DNAH12: variants seen among roughly 807,000 people sequenced by gnomAD.
DNAH12 encodes the protein axonemal beta dynein heavy chain 12.
DNAH12 carries 285 observed loss-of-function variants against 371.5 expected under a neutral mutation model. That is an observed-to-expected ratio of 0.77 (90% CI 0.70 to 0.85). The LOEUF is 0.85. DNAH12 is among the 40% of genes least tolerant of loss of function. DNAH12 has a pLI of 0.00. For synonymous variants in DNAH12, 1,200 were observed against 1,213.0 expected, an observed-to-expected ratio of 0.99 and a Z score of 0.22; for missense variants, 3,611 against 3,689.4, an observed-to-expected ratio of 0.98 and a Z score of 0.55.
At chr3:57,294,999 T>C (rs2107637875) in intron 73 of DNAH12, among the ~76,000 whole-genome samples, 1 of 152,210 alleles carries the variant, frequency 6.6e-6, no homozygotes, top group South Asian at 2.1e-4. Context: ...TTTTCCAGAC[T>C]TGTAGAAAGA....
chr3:57,342,066 C>T (rs541029596), intron 60 of DNAH12, among the ~76,000 whole-genome samples: 1 of 152,202 alleles, frequency 6.6e-6, no homozygotes, highest in East Asian at 1.9e-4. Flanking sequence ...TATCCATATG[C>T]AGAAGAGCAA....
intron 55 of DNAH12, among the ~76,000 whole-genome samples, chr3:57,369,263 TTATA>T (rs1469076690): frequency 6.9e-6 from 1 of 144,516 alleles, no homozygotes; most frequent in African/African-American, 2.5e-5. Flanking sequence ...CTGTATTTAA[TTATA>T]TATATAATTT....
chr3:57,472,777 G>T, intron 13 of DNAH12, 106 bp from the exon 14 acceptor site: 1 of 1,203,148 alleles, frequency 8.3e-7, no homozygotes, highest in Non-Finnish European at 1.2e-6. Flanking sequence ...ATTTCAGTTT[G>T]ACTCAGATTA....
At chr3:57,417,093 A>G (rs1217300547) in intron 37 of DNAH12, among the ~76,000 whole-genome samples, 1 of 152,078 alleles carries the variant, frequency 6.6e-6, no homozygotes, top group Non-Finnish European at 1.5e-5. Context: ...TCTATTAAAA[A>G]TACAAAATTA....
chr3:57,448,516 T>C (rs371443667), intron 25 of DNAH12, among the ~76,000 whole-genome samples: 5 of 142,734 alleles, frequency 3.5e-5, no homozygotes, highest in African/African-American at 1.2e-4. Context: ...GTCTTCGCAG[T>C]GAGTGTGACA....
At chr3:57,412,881 T>A (rs1241734889) in intron 39 of DNAH12, among the ~76,000 whole-genome samples, 1 of 152,178 alleles carries the variant, frequency 6.6e-6, no homozygotes, top group African/African-American at 2.4e-5. Context: ...AGTTTGGTGG[T>A]TTCTTACAAA....
intron 69 of DNAH12, among the ~76,000 whole-genome samples, chr3:57,305,536 G>T (rs2061452111): frequency 6.6e-6 from 1 of 152,112 alleles, no homozygotes; most frequent in African/African-American, 2.4e-5. Context: ...ACATAGTCAA[G>T]GTTAATGCTC....
intron 2 of DNAH12, 87 bp from the exon 3 acceptor site, chr3:57,523,971 T>C (rs956508920): frequency 1.3e-5 from 11 of 865,664 alleles, no homozygotes; most frequent in Admixed American, 3.2e-5. Flanking sequence ...TTTCCAACTA[T>C]ACTAAGAGAT....
At chr3:57,361,400 C>CTATA (rs1305154719) in intron 58 of DNAH12, among the ~76,000 whole-genome samples, 1 of 143,010 alleles carries the variant, frequency 7.0e-6, no homozygotes, top group East Asian at 2.0e-4. Context: ...TACATACGCA[C>CTATA]TATATATATA....
chr3:57,458,064 T>A, intron 21 of DNAH12, 35 bp downstream of exon 21: 2 of 1,535,662 alleles, frequency 1.3e-6, no homozygotes, highest in South Asian at 2.5e-5. Context: ...TAAGAAAATG[T>A]TTTTAATTAC....
At chr3:57,511,138 C>T (rs893192448) in intron 4 of DNAH12, among the ~76,000 whole-genome samples, 159 bp from the exon 5 acceptor site, 4 of 152,152 alleles carry the variant, frequency 2.6e-5, no homozygotes, top group African/African-American at 9.7e-5. Context: ...GTACATCCCA[C>T]AAAGAAACCA....
Position 57,454,731 on chromosome 3 carries a change from A to C in DNAH12, c.3456+44T>G, listed in dbSNP as rs2065855126. On this transcript the variant is annotated intron_variant, in intron 23 of 73. Transcript: ENST00000495027. ...AAAATAATAAAATTAAATTTTAAAA[A>C]ACCTGGAATGAAGGATGTTACTTAA... 1.9e-6 allele frequency: 3 copies of C among 1,540,812 alleles called. No homozygotes were observed. In the South Asian group the frequency reaches 3.7e-5, roughly 19 times the overall value.
chr3:57,370,682 G>A (rs1460756697), intron 55 of DNAH12, among the ~76,000 whole-genome samples: 1 of 152,136 alleles, frequency 6.6e-6, no homozygotes, highest in African/African-American at 2.4e-5. Context: ...GGTTAATTGA[G>A]GCTTGCATTT....
chr3:57,499,647 A>AAAAATATATATATATATATAT (rs1451248906), intron 11 of DNAH12, among the ~76,000 whole-genome samples: 2 of 17,946 alleles, frequency 1.1e-4, no homozygotes, highest in African/African-American at 2.1e-4. Context: ...AAAAAAAAAA[A>AAAAATATATATATATATATAT]ATATATATAT....
chr3:57,469,802 TG>T (rs2066315747), intron 16 of DNAH12, among the ~76,000 whole-genome samples: 1 of 151,856 alleles, frequency 6.6e-6, no homozygotes, highest in African/African-American at 2.4e-5. Context: ...AACATAGAGA[TG>T]GGAACAACAG....
chr3:57,537,867 C>T (rs1426571561), intron 2 of DNAH12, among the ~76,000 whole-genome samples: 12 of 151,850 alleles, frequency 7.9e-5, no homozygotes, highest in African/African-American at 2.2e-4. Flanking sequence ...GTATTTTTAG[C>T]AGAGACGGTG....
chr3:57,426,390 A>G (rs1391122106), intron 34 of DNAH12, among the ~76,000 whole-genome samples: 1 of 152,166 alleles, frequency 6.6e-6, no homozygotes, highest in East Asian at 1.9e-4. Context: ...AGACTGGACC[A>G]GAGCAGCTGC....
intron 12 of DNAH12, among the ~76,000 whole-genome samples, chr3:57,486,974 T>C (rs2066940822): frequency 6.6e-6 from 1 of 151,776 alleles, no homozygotes; most frequent in South Asian, 2.1e-4. Flanking sequence ...AACAAATGAG[T>C]TGTTCAAATA....
intron 69 of DNAH12, among the ~76,000 whole-genome samples, chr3:57,303,234 G>A (rs537950850): frequency 1.3e-5 from 2 of 150,700 alleles, no homozygotes; most frequent in South Asian, 4.2e-4. Context: ...AGCTACTCAG[G>A]AGGCTGAGTC....
Sources: gnomAD v4.1 joint callset for allele counts (sites outside exome capture counted in the v4.1 genomes callset) on GRCh38, gnomAD v4.1.1 for gene constraint, MANE v1.5 for transcripts, NCBI Gene and HGNC (gene_info 2026-07-23, HGNC 2026-07-21) for gene names.